RYR2: variants seen among roughly 807,000 people sequenced by gnomAD.
RYR2 encodes ryanodine receptor 2, also known as cardiac muscle ryanodine receptor-calcium release channel.
RYR2 carries 227 observed loss-of-function variants against 601.1 expected under a neutral mutation model. The ratio of observed to expected loss-of-function variants is 0.38; its 90% confidence interval spans 0.34 to 0.42. RYR2 has a LOEUF of 0.42. Among genes scored for constraint, RYR2 ranks in the 10% least tolerant of loss-of-function variants. RYR2 has a pLI of 1.00. For missense variants in RYR2, 4,646 were observed against 6,156.5 expected, an observed-to-expected ratio of 0.75 and a Z score of 8.21; for synonymous variants, 2,223 against 2,175.1, an observed-to-expected ratio of 1.02 and a Z score of -0.61.
intron 1 of RYR2, among the ~76,000 whole-genome samples, chr1:237,169,448 G>A (rs989161692): frequency 9.9e-5 from 15 of 151,844 alleles, no homozygotes; most frequent in Non-Finnish European, 2.1e-4. Context: ...ACAGGTACAC[G>A]CCACCATGCC....
At chr1:237,045,368 G>A (rs1026149877) in intron 1 of RYR2, among the ~76,000 whole-genome samples, 29 of 152,054 alleles carry the variant, frequency 1.9e-4, no homozygotes, top group African/African-American at 6.3e-4. Flanking sequence ...TTTGCAAAGG[G>A]GTTTGTCACT....
At chr1:237,716,959 A>G (rs1246505132) in intron 71 of RYR2, among the ~76,000 whole-genome samples, 1 of 152,166 alleles carries the variant, frequency 6.6e-6, no homozygotes, top group Non-Finnish European at 1.5e-5. Flanking sequence ...GTCTTCTAAA[A>G]ATTACGTGGG....
chr1:237,176,262 TATAA>T (rs200395667), intron 1 of RYR2, among the ~76,000 whole-genome samples: 2 of 80,784 alleles, frequency 2.5e-5, no homozygotes, highest in East Asian at 3.9e-4. Context: ...TATATATATA[TATAA>T]AAAATGAAAT....
intron 99 of RYR2, among the ~76,000 whole-genome samples, chr1:237,808,441 G>A (rs963868922): frequency 1.3e-5 from 2 of 152,080 alleles, no homozygotes; most frequent in East Asian, 1.9e-4. Context: ...CGGGCAGATC[G>A]CCTGAGGTCG....
chr1:237,498,339 G>A (rs779424230), intron 20 of RYR2, among the ~76,000 whole-genome samples: 1 of 152,102 alleles, frequency 6.6e-6, no homozygotes, highest in Admixed American at 6.6e-5. Flanking sequence ...ACAGTGCCTT[G>A]TTCCCACAGG....
chr1:237,065,144 AAGTT>A (rs1266624288), intron 1 of RYR2, among the ~76,000 whole-genome samples: 2 of 152,120 alleles, frequency 1.3e-5, no homozygotes, highest in Non-Finnish European at 2.9e-5. Context: ...TAAAAGCAGA[AAGTT>A]AGCATTGCTA....
At chr1:237,685,978 A>AG (rs957022001) in intron 62 of RYR2, among the ~76,000 whole-genome samples, 1 of 152,198 alleles carries the variant, frequency 6.6e-6, no homozygotes, top group Non-Finnish European at 1.5e-5. Flanking sequence ...TACAGAAGTG[A>AG]GGGGTGATGG....
At chr1:237,297,757 AT>A (rs750025306) in intron 2 of RYR2, among the ~76,000 whole-genome samples, 10 of 150,192 alleles carry the variant, frequency 6.7e-5, no homozygotes, top group African/African-American at 2.0e-4. Flanking sequence ...TGTTGACATA[AT>A]TTTTTTTTGA....
intron 18 of RYR2, among the ~76,000 whole-genome samples, chr1:237,492,611 T>C (rs2150416821): frequency 6.6e-6 from 1 of 152,116 alleles, no homozygotes; most frequent in Admixed American, 6.6e-5. Context: ...GAAGCCAAGA[T>C]GGGAGGGTTG....
intron 98 of RYR2, among the ~76,000 whole-genome samples, chr1:237,805,241 A>G (rs1309894123): frequency 6.6e-6 from 1 of 152,160 alleles, no homozygotes; most frequent in Non-Finnish European, 1.5e-5. Flanking sequence ...TTAAGTAAAA[A>G]TAAAATTCAC....
At chr1:237,828,487 G>A in intron 102 of RYR2, 42 bp downstream of exon 102, 1 of 1,372,216 alleles carries the variant, frequency 7.3e-7, no homozygotes, top group Non-Finnish European at 1.0e-6. Context: ...TGTTGTCCTG[G>A]GCCCTCGTTT....
intron 29 of RYR2, among the ~76,000 whole-genome samples, chr1:237,574,833 T>C (rs1012797194): frequency 6.6e-6 from 1 of 152,186 alleles, no homozygotes; most frequent in African/African-American, 2.4e-5. Context: ...GATGAGAATG[T>C]AGCCCACGTT....
intron 80 of RYR2, among the ~76,000 whole-genome samples, chr1:237,754,898 A>G (rs1321817316): frequency 1.3e-5 from 2 of 152,194 alleles, no homozygotes; most frequent in East Asian, 1.9e-4. Flanking sequence ...GGCAAACCTT[A>G]TAGATGTTAG....
intron 38 of RYR2, among the ~76,000 whole-genome samples, chr1:237,620,975 A>G (rs564309745): frequency 6.6e-6 from 1 of 152,298 alleles, no homozygotes; most frequent in Admixed American, 6.5e-5. Flanking sequence ...CACTCTTTTC[A>G]AGTGTTCATG....
chr1:237,436,088 A>C (rs1232885004), intron 12 of RYR2, among the ~76,000 whole-genome samples: 2 of 152,168 alleles, frequency 1.3e-5, no homozygotes, highest in African/African-American at 4.8e-5. Context: ...GAACCCTTTG[A>C]AAGAGCTCAC....
intron 1 of RYR2, among the ~76,000 whole-genome samples, chr1:237,169,822 C>T (rs1170956580): frequency 6.6e-6 from 1 of 151,762 alleles, no homozygotes; most frequent in Non-Finnish European, 1.5e-5. Flanking sequence ...GCATGATAAC[C>T]TGTTTACAGA....
intron 1 of RYR2, among the ~76,000 whole-genome samples, chr1:237,129,161 A>C (rs1671868570): frequency 6.6e-6 from 1 of 152,200 alleles, no homozygotes; most frequent in Non-Finnish European, 1.5e-5. Context: ...CATCTGGATT[A>C]CTGCAGTGCA....
chr1:237,348,615 C>T (rs567883209), intron 3 of RYR2, among the ~76,000 whole-genome samples: 16 of 152,214 alleles, frequency 1.1e-4, no homozygotes, highest in Admixed American at 5.2e-4. Context: ...AGCTGCCAGC[C>T]GTAGGTACAT....
intron 1 of RYR2, among the ~76,000 whole-genome samples, chr1:237,177,922 T>A (rs2148936353): frequency 6.6e-6 from 1 of 152,300 alleles, no homozygotes; most frequent in Middle Eastern, 3.4e-3. Context: ...AAAATATGTA[T>A]TTTCCAGGCT....
Sources: allele counts gnomAD v4.1 joint callset (sites outside exome capture counted in the v4.1 genomes callset), GRCh38; gene constraint gnomAD v4.1.1; transcripts MANE v1.5; gene names NCBI Gene and HGNC (gene_info 2026-07-23, HGNC 2026-07-21).